Variants in DEPDC1B observed in about 807,000 individuals in gnomAD.
DEPDC1B encodes DEP domain containing 1B.
A neutral mutation model predicts 66.5 loss-of-function variants in DEPDC1B; 51 were observed. The ratio of observed to expected loss-of-function variants is 0.77; its 90% CI spans 0.61 to 0.97. The LOEUF is 0.97. Among genes scored for constraint, DEPDC1B ranks in the 50% least tolerant of loss-of-function variants. The pLI is 0.00. For missense variants in DEPDC1B, 552 were observed against 637.1 expected, an observed-to-expected ratio of 0.87 and a Z score of 1.44; for synonymous variants, 226 against 223.6, an observed-to-expected ratio of 1.01 and a Z score of -0.10.
intron 2 of DEPDC1B, among the ~76,000 whole-genome samples, chr5:60,674,754 C>T (rs539405018): frequency 6.6e-6 from 1 of 152,254 alleles, no homozygotes; most frequent in South Asian, 2.1e-4. Flanking sequence ...TTAGTTGCAA[C>T]TGTAAGGAAC....
intron 2 of DEPDC1B, among the ~76,000 whole-genome samples, chr5:60,677,331 C>CA (rs2112005735): frequency 9.2e-6 from 1 of 109,284 alleles, no homozygotes; most frequent in Non-Finnish European, 2.1e-5. Context: ...CACACACTCT[C>CA]TCTCTCTCTC....
intron 2 of DEPDC1B, among the ~76,000 whole-genome samples, chr5:60,657,216 A>G (rs1327357864): frequency 6.6e-6 from 1 of 152,182 alleles, no homozygotes; most frequent in Non-Finnish European, 1.5e-5. Flanking sequence ...AAAATAACAG[A>G]TACTTGGTTG....
intron 7 of DEPDC1B, among the ~76,000 whole-genome samples, chr5:60,614,537 C>A (rs1293453355): frequency 2.0e-5 from 3 of 152,006 alleles, no homozygotes; most frequent in Non-Finnish European, 4.4e-5. Context: ...TGTTTCTAAG[C>A]CCCTGCTTAA....
chr5:60,686,085 G>A (rs1461631520), intron 2 of DEPDC1B, among the ~76,000 whole-genome samples: 1 of 152,218 alleles, frequency 6.6e-6, no homozygotes, highest in Non-Finnish European at 1.5e-5. Flanking sequence ...GTCCAAGAGG[G>A]AGACAAAGAA....
intron 7 of DEPDC1B, among the ~76,000 whole-genome samples, chr5:60,615,000 T>C (rs1233386768): frequency 3.3e-5 from 5 of 151,922 alleles, no homozygotes; most frequent in African/African-American, 1.2e-4. Context: ...CAAAAATAAA[T>C]AAATGAATAA....
chr5:60,649,115 C>A (rs1263286292), intron 2 of DEPDC1B, among the ~76,000 whole-genome samples: 2 of 152,156 alleles, frequency 1.3e-5, no homozygotes, highest in Non-Finnish European at 2.9e-5. Context: ...TCGACTATGG[C>A]ATAAAAATTT....
chr5:60,646,765 C>G (rs1753327232), intron 3 of DEPDC1B, among the ~76,000 whole-genome samples: 1 of 152,140 alleles, frequency 6.6e-6, no homozygotes, highest in African/African-American at 2.4e-5. Context: ...ACAGCAGCTC[C>G]CTGTTGTTCA....
intron 1 of DEPDC1B, among the ~76,000 whole-genome samples, chr5:60,693,769 G>C (rs1283484435): frequency 6.6e-6 from 1 of 151,672 alleles, no homozygotes. Context: ...TTTAATCATT[G>C]ATTATTGATT....
At chr5:60,687,288 C>A in intron 1 of DEPDC1B, 61 bp from the exon 2 acceptor site, 1 of 1,529,382 alleles carries the variant, frequency 6.5e-7, no homozygotes, top group Non-Finnish European at 8.8e-7. Context: ...ATTACTACAT[C>A]TCAAATAATT....
chr5:60,642,912 T>C (rs1193767264), intron 5 of DEPDC1B, 53 bp from the exon 6 acceptor site: 5 of 1,368,920 alleles, frequency 3.7e-6, no homozygotes, highest in African/African-American at 1.4e-5. Flanking sequence ...AGACATCATA[T>C]ACATACTTGG....
At chr5:60,691,586 A>G (rs971045437) in intron 1 of DEPDC1B, among the ~76,000 whole-genome samples, 1 of 152,200 alleles carries the variant, frequency 6.6e-6, no homozygotes, top group Admixed American at 6.5e-5. Flanking sequence ...AGGATAAGAT[A>G]TATCTATCAT....
intron 2 of DEPDC1B, among the ~76,000 whole-genome samples, chr5:60,663,313 G>A (rs1477623267): frequency 6.6e-6 from 1 of 152,084 alleles, no homozygotes; most frequent in Non-Finnish European, 1.5e-5. Flanking sequence ...GATTGTTAAG[G>A]ACCTAAAAGC....
intron 7 of DEPDC1B, among the ~76,000 whole-genome samples, chr5:60,607,467 C>T (rs1752334630): frequency 1.3e-5 from 2 of 152,082 alleles, no homozygotes; most frequent in Admixed American, 6.5e-5. Flanking sequence ...CTTTCATTTA[C>T]CCAACAAATA....
In DEPDC1B at chr5:60,599,220, G is replaced by A; in HGVS notation, c.1283C>T (p.Ala428Val). 1 of 1,611,904 alleles carries A rather than the reference G, an allele frequency of 6.2e-7. No individual in the cohort carries two copies. Among genetic ancestry groups the A allele is most frequent in the Non-Finnish European group, 8.5e-7 (1 of 1,179,338 alleles). ...PGADMDITLS[A>V]PSFCRQISPE... ...ACTAATTTGACGGCAAAATGATGGAGCAGATAAAGTGATATCCATATCAGC... is the reference window on the plus strand; with the variant it reads ...ACTAATTTGACGGCAAAATGATGGAACAGATAAAGTGATATCCATATCAGC... Residue 428 changes from alanine to valine, a missense_variant, in exon 10 of 11, where the codon GCT (alanine) becomes GTT (valine). Coordinates refer to ENST00000265036, the MANE Select transcript of DEPDC1B (RefSeq NM_018369.3).
At chr5:60,626,882 C>G (rs286156) in intron 7 of DEPDC1B, among the ~76,000 whole-genome samples, 109,919 of 151,898 alleles carry the variant, frequency 0.72, 40,974 homozygotes, top group African/African-American at 0.92. Flanking sequence ...CTAGAATGAA[C>G]ATACAGAACT....
At position 60,599,146 on chromosome 5, in the gene DEPDC1B, C is replaced by A; in HGVS notation, c.1357G>T (p.Ala453Ser). 6.2e-7 allele frequency: 1 copy of A among 1,613,324 alleles called. No individual in the cohort carries two copies. The highest frequency in any genetic ancestry group is 8.5e-7 in the Non-Finnish European group (1 of 1,179,626). ...QRSYGSQEPLAALLEEVITDA... is the reference protein window; with the variant it reads ...QRSYGSQEPLSALLEEVITDA... ...GTTATGACTTCCTCCAACAAGGCTG[C>A]CAGAGGTTCCTGAGAGCCATATGAT... is the stretch of plus-strand genomic sequence containing the variant. Residue 453 changes from alanine (A) to serine (S), a missense_variant, in exon 10 of 11, where the codon GCA becomes TCA. Ala to Ser is a moderately conservative substitution (Grantham distance 99). Coordinates refer to ENST00000265036, the MANE Select transcript of DEPDC1B (RefSeq NM_018369.3).
At chr5:60,615,417 C>G (rs143877603) in intron 7 of DEPDC1B, among the ~76,000 whole-genome samples, 11 of 152,130 alleles carry the variant, frequency 7.2e-5, no homozygotes, top group Admixed American at 6.5e-4. Flanking sequence ...GGGTGACAGA[C>G]GGCACCTGGA....
At chr5:60,662,486 G>A (rs1050911972) in intron 2 of DEPDC1B, among the ~76,000 whole-genome samples, 1 of 152,120 alleles carries the variant, frequency 6.6e-6, no homozygotes, top group South Asian at 2.1e-4. Context: ...GAGATCAAGA[G>A]GAACAGGTGG....
intron 2 of DEPDC1B, among the ~76,000 whole-genome samples, chr5:60,686,253 G>A (rs542957242): frequency 6.6e-6 from 1 of 152,258 alleles, no homozygotes; most frequent in East Asian, 1.9e-4. Context: ...CTTTTAATCC[G>A]TGTAGATAAC....
Sources: gnomAD v4.1 joint callset for allele counts (sites outside exome capture counted in the v4.1 genomes callset) on GRCh38, gnomAD v4.1.1 for gene constraint, MANE v1.5 for transcripts, NCBI Gene and HGNC (gene_info 2026-07-23, HGNC 2026-07-21) for gene names.